Variants in MOB1B observed in about 807,000 individuals in gnomAD.
MOB1B encodes MOB1 Mps One Binder homolog B.
MOB1B carries 19 observed loss-of-function variants against 24.4 expected under a neutral mutation model. The ratio of observed to expected loss-of-function variants is 0.78; its 90% CI spans 0.54 to 1.14. MOB1B has a LOEUF of 1.14. Ranked by LOEUF, MOB1B falls within the 50% of genes most tolerant of loss-of-function variation. The probability of loss-of-function intolerance (pLI) is 0.00; values close to 1 mark genes in which losing one functional copy is unlikely to be tolerated. For synonymous variants in MOB1B, 76 were observed against 82.1 expected (o/e 0.93, Z 0.40); for missense variants, 243 against 259.6 (o/e 0.94, Z 0.44).
intron 1 of MOB1B, among the ~76,000 whole-genome samples, chr4:70,920,684 C>T (rs1218898745): frequency 6.6e-6 from 1 of 152,190 alleles, no homozygotes; most frequent in Non-Finnish European, 1.5e-5. Context: ...TTCTCTCTCT[C>T]TGAGTGATCC....
chr4:70,984,539 C>T lies in MOB1B; in HGVS notation c.*2482C>T, dbSNP rs1378385959. ...GTAAGTAACCAAGATAATTATTTTC[C>T]CCCTTGCTCTCTATATTAATACGTA... On this transcript the variant is annotated 3_prime_UTR_variant, in exon 6 of 6. Coordinates refer to ENST00000309395, the MANE Select transcript of MOB1B (RefSeq NM_173468.4). 1.3e-5 allele frequency: 2 copies of T among 152,018 alleles called. No individual in the cohort carries two copies. Among genetic ancestry groups the T allele is most frequent in the African/African-American group, 2.4e-5 (1 of 41,390 alleles). 9.4% of individuals were successfully genotyped at this position (152,018 alleles called of 1,614,324 possible). A position where few individuals can be genotyped will look rare whatever the true frequency, so the allele number is the denominator to read the frequency against.
intron 1 of MOB1B, among the ~76,000 whole-genome samples, chr4:70,913,978 A>G (rs1736101203): frequency 6.6e-6 from 1 of 151,380 alleles, no homozygotes; most frequent in African/African-American, 2.4e-5. Flanking sequence ...TGTAAAATTC[A>G]TATGTTGAAA....
At chr4:70,929,214 T>C (rs918570962) in intron 1 of MOB1B, among the ~76,000 whole-genome samples, 2 of 147,014 alleles carry the variant, frequency 1.4e-5, no homozygotes, top group African/African-American at 2.5e-5. Context: ...ACAATCTTGC[T>C]GTCACCCAGG....
chr4:70,967,620 A>T (rs1430345754), intron 2 of MOB1B, among the ~76,000 whole-genome samples: 1 of 152,242 alleles, frequency 6.6e-6, no homozygotes, highest in African/African-American at 2.4e-5. Context: ...TATTACTAAT[A>T]GATGAGTTTA....
chr4:70,960,784 T>C (rs1336483488), intron 2 of MOB1B, among the ~76,000 whole-genome samples: 2 of 152,370 alleles, frequency 1.3e-5, no homozygotes, highest in South Asian at 2.1e-4. Context: ...CTCCAATATA[T>C]GTGTACGTTC....
upstream of MOB1B, among the ~76,000 whole-genome samples, chr4:70,902,173 G>A (rs573704810): frequency 5.8e-4 from 88 of 152,288 alleles, 2 homozygotes; most frequent in South Asian, 0.018. Flanking sequence ...CAGCAGAGGA[G>A]ACCAGAAGGT....
At chr4:70,920,052 A>G (rs972724421) in intron 1 of MOB1B, among the ~76,000 whole-genome samples, 1 of 152,230 alleles carries the variant, frequency 6.6e-6, no homozygotes, top group Non-Finnish European at 1.5e-5. Context: ...ATAATTATAC[A>G]TAACATAATA....
At position 70,972,922 on chromosome 4, in the gene MOB1B, T is replaced by C. The variant is rs570203794; in HGVS notation, c.276-2231T>C. 3.9e-4 allele frequency among the ~76,000 whole-genome samples: 60 copies of C among 152,178 alleles called. 1 individual carries two copies. The highest frequency in any genetic ancestry group is 3.4e-3 in the Middle Eastern group (1 of 294). On this transcript the variant is annotated intron_variant, in intron 3 of 5. Transcript: ENST00000309395. The stretch of plus-strand genomic sequence containing the variant: ...CCGAGTAGCTGGGACTACAGGTGCC[T>C]GCCACCACACCCGGCTAATTTTTTG...
At chr4:70,902,227 C>A (rs1330147213), upstream of MOB1B, 1 of 539,862 alleles carries the variant, frequency 1.9e-6, no homozygotes, top group African/African-American at 2.0e-5. Context: ...TGGGCTTGCA[C>A]CGCTATCGCG....
chr4:70,910,564 ACT>A (rs1178875612), intron 1 of MOB1B, among the ~76,000 whole-genome samples: 1 of 151,918 alleles, frequency 6.6e-6, no homozygotes, highest in East Asian at 1.9e-4. Flanking sequence ...TGATGCTGGG[ACT>A]CTCTTCTAAG....
At chr4:70,906,843 C>T (rs1735770042) in intron 1 of MOB1B, among the ~76,000 whole-genome samples, 1 of 152,122 alleles carries the variant, frequency 6.6e-6, no homozygotes, top group Non-Finnish European at 1.5e-5. Context: ...ATCCTTAGCA[C>T]CTGCTGTGTG....
intron 1 of MOB1B, among the ~76,000 whole-genome samples, chr4:70,953,712 A>T (rs1040734643): frequency 6.6e-6 from 1 of 152,158 alleles, no homozygotes; most frequent in Non-Finnish European, 1.5e-5. Flanking sequence ...GGGAGGCTAA[A>T]GCGGGCGGAT....
At chr4:70,962,843 A>G (rs1345677233) in intron 2 of MOB1B, among the ~76,000 whole-genome samples, 1 of 152,070 alleles carries the variant, frequency 6.6e-6, no homozygotes, top group African/African-American at 2.4e-5. Flanking sequence ...TACTAAAAAT[A>G]CAAATAAAAA....
chr4:70,939,550 C>T (rs1022001428), intron 1 of MOB1B, among the ~76,000 whole-genome samples: 18 of 152,120 alleles, frequency 1.2e-4, no homozygotes, highest in Non-Finnish European at 1.8e-4. Flanking sequence ...GGCATGGTGG[C>T]GCACACCTGC....
intron 1 of MOB1B, among the ~76,000 whole-genome samples, chr4:70,920,264 CCTT>C (rs1736374230): frequency 6.6e-6 from 1 of 151,482 alleles, no homozygotes; most frequent in African/African-American, 2.4e-5. Context: ...TTCTCATTCT[CCTT>C]CTCCTTCTCC....
chr4:70,922,667 A>G (rs562365247), intron 1 of MOB1B, among the ~76,000 whole-genome samples: 4 of 152,360 alleles, frequency 2.6e-5, no homozygotes, highest in African/African-American at 7.2e-5. Context: ...TATGCTGACA[A>G]TTCTGAAGGC....
Position 70,926,626 on chromosome 4 carries a change from A to G in MOB1B, c.14+24076A>G, listed in dbSNP as rs61020468. ...ATGTATGGCATTATTGCATAATAAAATGAACATTTATTGAACACCTCCTGT... is the reference window on the plus strand; with the variant it reads ...ATGTATGGCATTATTGCATAATAAAGTGAACATTTATTGAACACCTCCTGT... On this transcript the variant is annotated intron_variant, in intron 1 of 5. Transcript: ENST00000309395. Among the ~76,000 whole-genome samples the G allele has an allele frequency of 0.021, 3,141 of 152,312 alleles. 365 individuals are homozygous for G. The East Asian group carries it at 0.33, about 16-fold the overall frequency.
rs751066305 is a variant in MOB1B at position 70,981,972 on chromosome 4, A to G, written c.574-8A>G. 35 of 1,576,070 alleles carry G rather than the reference A, an allele frequency of 2.2e-5. No homozygotes were observed. The South Asian group carries it at 3.3e-4, about 15-fold the overall frequency. Reference sequence around the variant, plus strand: ...TATTTATTCTGCCTTTCTTTATATCATGCATAGGAATTCAACCTTATTGAT... The same window carrying G: ...TATTTATTCTGCCTTTCTTTATATCGTGCATAGGAATTCAACCTTATTGAT... On this transcript the variant is annotated splice_region_variant and splice_polypyrimidine_tract_variant and intron_variant, in intron 5 of 5. Coordinates refer to ENST00000309395, the MANE Select transcript of MOB1B (RefSeq NM_173468.4).
At chr4:70,976,265 C>T (rs1175695794) in intron 4 of MOB1B, 1 of 983,490 alleles carries the variant, frequency 1.0e-6, no homozygotes, top group Non-Finnish European at 1.2e-6. Flanking sequence ...GAGTAGATTG[C>T]TAATAACATC....
Sources: allele counts gnomAD v4.1 joint callset (sites outside exome capture counted in the v4.1 genomes callset), GRCh38; gene constraint gnomAD v4.1.1; transcripts MANE v1.5; gene names NCBI Gene and HGNC (gene_info 2026-07-23, HGNC 2026-07-21).